FRAS1: variants seen among roughly 807,000 people sequenced by gnomAD.
FRAS1 encodes the protein Fraser extracellular matrix complex subunit 1.
Under a neutral mutation model 435.2 loss-of-function variants are expected in FRAS1, and 290 were observed. The ratio of observed to expected loss-of-function variants is 0.67; its 90% confidence interval spans 0.61 to 0.73. The LOEUF (loss-of-function observed/expected upper bound fraction) is 0.73. Among genes scored for constraint, FRAS1 ranks in the 30% least tolerant of loss-of-function variants. The probability of loss-of-function intolerance (pLI) is 0.00; values close to 1 mark genes in which losing one functional copy is unlikely to be tolerated. For synonymous variants in FRAS1, 1,800 were observed against 1,851.0 expected (o/e 0.97, Z 0.71); for missense variants, 4,860 against 5,001.5 (o/e 0.97, Z 0.85).
intron 32 of FRAS1, among the ~76,000 whole-genome samples, chr4:78,415,240 T>G (rs1342844005): frequency 2.0e-5 from 3 of 152,154 alleles, no homozygotes; most frequent in African/African-American, 7.2e-5. Context: ...AGGTGAGGGA[T>G]AAAAGACTAC....
At chr4:78,313,203 T>C (rs772726984) in intron 15 of FRAS1, among the ~76,000 whole-genome samples, 1 of 152,148 alleles carries the variant, frequency 6.6e-6, no homozygotes, top group Non-Finnish European at 1.5e-5. Flanking sequence ...GAGGGAAGAA[T>C]GCTTTTCAGA....
At chr4:78,145,383 C>G (rs375053609) in intron 2 of FRAS1, among the ~76,000 whole-genome samples, 1 of 152,048 alleles carries the variant, frequency 6.6e-6, no homozygotes, top group Admixed American at 6.6e-5. Context: ...AAGCCAAGAG[C>G]GGTGGAAGCA....
intron 2 of FRAS1, among the ~76,000 whole-genome samples, chr4:78,225,487 C>T (rs930644911): frequency 1.7e-4 from 26 of 152,126 alleles, no homozygotes; most frequent in South Asian, 1.0e-3. Flanking sequence ...TCCCAGTCCA[C>T]GGCTCTTTTT....
intron 14 of FRAS1, among the ~76,000 whole-genome samples, chr4:78,307,540 C>T (rs930498632): frequency 4.1e-4 from 62 of 152,354 alleles, no homozygotes; most frequent in African/African-American, 1.4e-3. Flanking sequence ...GAGCCAGGTG[C>T]CGGATTTAAT....
At chr4:78,362,474 C>T (rs1731109460) in intron 20 of FRAS1, among the ~76,000 whole-genome samples, 1 of 152,194 alleles carries the variant, frequency 6.6e-6, no homozygotes, top group African/African-American at 2.4e-5. Context: ...CTGGCCACTC[C>T]GGGCATTGAC....
intron 2 of FRAS1, among the ~76,000 whole-genome samples, chr4:78,152,124 T>C (rs1578154800): frequency 6.6e-6 from 1 of 152,164 alleles, no homozygotes; most frequent in African/African-American, 2.4e-5. Flanking sequence ...GTGCTATAAT[T>C]TGTCATATTA....
At chr4:78,462,937 A>T (rs1032350227) in intron 47 of FRAS1, among the ~76,000 whole-genome samples, 9 of 152,126 alleles carry the variant, frequency 5.9e-5, no homozygotes, top group African/African-American at 2.2e-4. Flanking sequence ...GTCACCCTTA[A>T]ATATATGAGT....
intron 4 of FRAS1, 28 bp from the exon 5 acceptor site, chr4:78,252,361 CTTT>C: frequency 7.3e-7 from 1 of 1,371,634 alleles, no homozygotes; most frequent in South Asian, 1.3e-5. Flanking sequence ...TGGCACTAAC[CTTT>C]TTTTTTTTCT....
chr4:78,210,039 G>A (rs905999281), intron 2 of FRAS1, among the ~76,000 whole-genome samples: 1 of 152,102 alleles, frequency 6.6e-6, no homozygotes, highest in African/African-American at 2.4e-5. Context: ...CTCCTTACCT[G>A]CCTCATCTCT....
intron 9 of FRAS1, among the ~76,000 whole-genome samples, chr4:78,270,777 T>A (rs961044135): frequency 1.3e-5 from 2 of 152,090 alleles, no homozygotes; most frequent in South Asian, 2.1e-4. Context: ...AAATTCAGTG[T>A]TTCTGGGTTA....
At chr4:78,540,359 T>G (rs758595388) in intron 73 of FRAS1, among the ~76,000 whole-genome samples, 172 bp from the exon 74 acceptor site, 3 of 152,202 alleles carry the variant, frequency 2.0e-5, no homozygotes, top group Non-Finnish European at 1.5e-5. Flanking sequence ...GGAAATAAAA[T>G]AGAACCCATA....
intron 65 of FRAS1, 40 bp from the exon 66 acceptor site, chr4:78,515,759 C>T (rs1454199698): frequency 1.3e-6 from 2 of 1,596,708 alleles, no homozygotes; most frequent in Non-Finnish European, 1.7e-6. Context: ...TTGGCATCCA[C>T]AAACCAAGTT....
At chr4:78,088,239 A>G (rs1741305952) in intron 2 of FRAS1, among the ~76,000 whole-genome samples, 1 of 152,202 alleles carries the variant, frequency 6.6e-6, no homozygotes, top group Non-Finnish European at 1.5e-5. Context: ...AGAAAGCTGA[A>G]ACTGGATCCC....
At chr4:78,112,271 GAATAAATC>G (rs1269693387) in intron 2 of FRAS1, among the ~76,000 whole-genome samples, 1 of 152,056 alleles carries the variant, frequency 6.6e-6, no homozygotes, top group African/African-American at 2.4e-5. Context: ...TGAAAAAAAT[GAATAAATC>G]AACAAATACA....
intron 2 of FRAS1, among the ~76,000 whole-genome samples, chr4:78,214,390 T>A (rs1208797594): frequency 3.9e-5 from 6 of 152,222 alleles, no homozygotes; most frequent in Non-Finnish European, 8.8e-5. Flanking sequence ...TTGAAAAATG[T>A]TTAAGCAAAC....
intron 14 of FRAS1, among the ~76,000 whole-genome samples, chr4:78,289,719 C>A (rs1227720279): frequency 2.6e-5 from 4 of 152,296 alleles, no homozygotes; most frequent in African/African-American, 9.6e-5. Flanking sequence ...TTGGTTCCTG[C>A]CGCTTGCCCT....
chr4:78,438,726 A>G lies in FRAS1; in HGVS notation c.5366+8A>G. 6.3e-7 allele frequency: 1 copy of G among 1,577,600 alleles called. No individual in the cohort carries two copies. Among genetic ancestry groups the G allele is most frequent in the Non-Finnish European group, 8.6e-7 (1 of 1,161,344 alleles). ...CAATAACAAGAAAATCAGGTACATA[A>G]TCACTTTGTATTATTTGACAGATTC... On this transcript the variant is annotated splice_region_variant and intron_variant, in intron 39 of 73. Transcript: ENST00000512123.
chr4:78,385,405 T>C (rs147183018), intron 28 of FRAS1, among the ~76,000 whole-genome samples: 181 of 152,182 alleles, frequency 1.2e-3, no homozygotes, highest in African/African-American at 4.3e-3. Flanking sequence ...GGTCCAAAAA[T>C]GAAAGGATCA....
chr4:78,077,693 AT>A (rs1480303681), intron 2 of FRAS1, among the ~76,000 whole-genome samples: 1 of 152,126 alleles, frequency 6.6e-6, no homozygotes, highest in East Asian at 1.9e-4. Context: ...GACGTGTGAT[AT>A]TTGTCTGTCT....
Sources: allele counts gnomAD v4.1 joint callset (sites outside exome capture counted in the v4.1 genomes callset), GRCh38; gene constraint gnomAD v4.1.1; transcripts MANE v1.5; gene names NCBI Gene and HGNC (gene_info 2026-07-23, HGNC 2026-07-21).